Variants in TMEM51 observed in about 807,000 individuals in gnomAD.
The protein encoded by TMEM51 is chromosome 1 open reading frame 72.
In TMEM51, 8 loss-of-function variants were observed where a neutral mutation model predicts 13.6. That is an observed-to-expected ratio of 0.59 (90% CI 0.35 to 1.07). The LOEUF (loss-of-function observed/expected upper bound fraction) is 1.07. Ranked by LOEUF, TMEM51 falls within the 50% of genes least tolerant of loss-of-function variation. The pLI is 0.02. For synonymous variants in TMEM51, 147 were observed against 144.4 expected, an observed-to-expected ratio of 1.02 and a Z score of -0.13; for missense variants, 279 against 330.7, an observed-to-expected ratio of 0.84 and a Z score of 1.21.
At chr1:15,191,906 T>A (rs752232817) in intron 1 of TMEM51, 22 of 529,030 alleles carry the variant, frequency 4.2e-5, no homozygotes, top group Non-Finnish European at 6.9e-5. Flanking sequence ...GCACGTTGTT[T>A]GTTCTCCTTT....
At chr1:15,164,501 G>C (rs1278646713) in intron 1 of TMEM51, 2 of 455,866 alleles carry the variant, frequency 4.4e-6, no homozygotes, top group Admixed American at 4.7e-5. Context: ...ATCATGTTAG[G>C]ATGGAGATAA....
At chr1:15,216,445 A>C (rs368612943) in intron 3 of TMEM51, among the ~76,000 whole-genome samples, 238 of 152,344 alleles carry the variant, frequency 1.6e-3, no homozygotes, top group African/African-American at 5.3e-3. Flanking sequence ...GCAAGCAAAA[A>C]GATGTCTTTT....
intron 1 of TMEM51, among the ~76,000 whole-genome samples, chr1:15,194,319 C>T (rs1017668658): frequency 3.3e-5 from 5 of 152,184 alleles, no homozygotes; most frequent in African/African-American, 4.8e-5. Flanking sequence ...GTGAGGTATT[C>T]TTTTTGTCCT....
rs546909635 is a variant in TMEM51 at position 15,215,461 on chromosome 1, G to A, written c.344+30G>A. 102 of 1,554,112 alleles carry A rather than the reference G, an allele frequency of 6.6e-5. No homozygotes were observed. In the South Asian group the frequency reaches 8.4e-4, roughly 13 times the overall value. ...GGCCTGACTGTCCCCTTCCCTCCCC[G>A]GATCGGGGATGGGCACGCACGCATG... On this transcript the variant is annotated intron_variant, in intron 3 of 3. Transcript: ENST00000376008.
chr1:15,215,457 C>T (rs1434533948), intron 3 of TMEM51, 26 bp downstream of exon 3: 4 of 1,561,636 alleles, frequency 2.6e-6, no homozygotes, highest in Non-Finnish European at 3.5e-6. Flanking sequence ...CCCCTTCCCT[C>T]CCCGGATCGG....
chr1:15,213,851 T>C (rs1311145838), intron 2 of TMEM51, among the ~76,000 whole-genome samples: 1 of 152,020 alleles, frequency 6.6e-6, no homozygotes, highest in African/African-American at 2.4e-5. Context: ...CTGCAAACTT[T>C]TTTTTTTCGA....
chr1:15,193,987 A>C (rs558262792), intron 1 of TMEM51, among the ~76,000 whole-genome samples: 1 of 152,240 alleles, frequency 6.6e-6, no homozygotes, highest in Non-Finnish European at 1.5e-5. Context: ...TGATTCACTC[A>C]ACAGATTCCA....
intron 2 of TMEM51, among the ~76,000 whole-genome samples, chr1:15,213,527 G>A (rs1366147676): frequency 1.3e-5 from 2 of 152,122 alleles, no homozygotes; most frequent in African/African-American, 4.8e-5. Flanking sequence ...TTTAGCAAGG[G>A]GCATTGCTTG....
rs554553305 is a variant in TMEM51 at position 15,219,441 on chromosome 1, T to C, written c.460T>C (p.Leu154=). ...AAGGGGAGAGGAGCAGAACCCGAGG[T>C]TGAGCATCTCTCTCCCGTCCTATGA... ...EARGEEQNPR[L]SISLPSYESL... The change falls in exon 4 of 4, where the codon TTG becomes CTG. Residue 154 remains leucine, a synonymous_variant. Transcript: ENST00000376008. 2.5e-6 allele frequency: 4 copies of C among 1,613,850 alleles called. No homozygotes were observed. The highest frequency in any genetic ancestry group is 2.7e-5 in the African/African-American group (2 of 74,938).
At chr1:15,163,266 A>G (rs1642855046) in intron 1 of TMEM51, among the ~76,000 whole-genome samples, 1 of 152,024 alleles carries the variant, frequency 6.6e-6, no homozygotes. Context: ...ATAACATGTC[A>G]AATGCACTGA....
At chr1:15,209,128 G>A (rs181678726) in intron 1 of TMEM51, among the ~76,000 whole-genome samples, 70 of 152,050 alleles carry the variant, frequency 4.6e-4, no homozygotes, top group African/African-American at 1.6e-3. Flanking sequence ...ATAGTGCAGT[G>A]GCGTGCTCAA....
chr1:15,194,030 A>G (rs925017908), intron 1 of TMEM51, among the ~76,000 whole-genome samples: 3 of 152,016 alleles, frequency 2.0e-5, no homozygotes, highest in African/African-American at 4.8e-5. Context: ...TCCTTCATTC[A>G]ACAAACATCT....
intron 1 of TMEM51, among the ~76,000 whole-genome samples, chr1:15,197,014 A>G (rs894537148): frequency 1.3e-5 from 2 of 152,202 alleles, no homozygotes; most frequent in African/African-American, 4.8e-5. Flanking sequence ...AAACAGTGCC[A>G]TGAGGACTCA....
At chr1:15,182,656 A>G (rs1296474323) in intron 1 of TMEM51, among the ~76,000 whole-genome samples, 2 of 152,236 alleles carry the variant, frequency 1.3e-5, no homozygotes, top group Non-Finnish European at 2.9e-5. Context: ...GAGGACAGGC[A>G]AGAAGGGCCA....
chr1:15,184,261 G>A (rs995950363), intron 1 of TMEM51, among the ~76,000 whole-genome samples: 4 of 152,168 alleles, frequency 2.6e-5, no homozygotes, highest in African/African-American at 7.2e-5. Context: ...TCTTGACCTC[G>A]TGATCCGCCC....
In TMEM51 at chr1:15,207,185, G is replaced by A. The variant is rs549491366; in HGVS notation, c.-266-3305G>A. ...GGTCGGTGCAGGGAGAATGCTCAAG[G>A]AGCCCCTCTGTCATGGGGGTTGGTA... On this transcript the variant is annotated intron_variant, in intron 1 of 3. Coordinates refer to ENST00000376008, the MANE Select transcript of TMEM51 (RefSeq NM_001136218.2). The surrounding 1 kb of genome is among the most constrained non-coding windows in gnomAD (Gnocchi z 4.6). Among the ~76,000 whole-genome samples, 3 of 152,256 alleles carry A rather than the reference G, an allele frequency of 2.0e-5. No individual in the cohort carries two copies. The South Asian group carries it at 6.2e-4, about 32-fold the overall frequency.
At chr1:15,186,815 G>GC (rs5772621) in intron 1 of TMEM51, among the ~76,000 whole-genome samples, 81,394 of 151,800 alleles carry the variant, frequency 0.54, 22,304 homozygotes, top group East Asian at 0.64. Flanking sequence ...GGGCAGGCCA[G>GC]GGGGCAGGGA....
chr1:15,171,397 C>A (rs1039149525), intron 1 of TMEM51: 3 of 1,193,370 alleles, frequency 2.5e-6, no homozygotes, highest in African/African-American at 1.6e-5. Context: ...GGAAGAGTTG[C>A]CGGGGACCAG....
rs1476417961 is a variant in TMEM51, at chr1:15,161,196, T to C, written c.-267+7242T>C. Among the ~76,000 whole-genome samples the C allele has an allele frequency of 6.6e-6, 1 of 152,018 alleles. No homozygotes were observed. Among genetic ancestry groups the C allele is most frequent in the Non-Finnish European group, 1.5e-5 (1 of 68,034 alleles). ...AGGCAGAGGTGGAAAAAGTATTTTA[T>C]ATAGTTTCTTCTTAAAAGTCATTTT... On this transcript the variant is annotated intron_variant, in intron 1 of 3. Transcript: ENST00000376008. This position sits in a 1 kb window ranked among gnomAD's most constrained non-coding sequence, Gnocchi z 4.0.
Sources: gnomAD v4.1 joint callset for allele counts (sites outside exome capture counted in the v4.1 genomes callset) on GRCh38, gnomAD v4.1.1 for gene constraint, Gnocchi (gnomAD v3.1) non-coding constraint, MANE v1.5 for transcripts, NCBI Gene and HGNC (gene_info 2026-07-23, HGNC 2026-07-21) for gene names.